CENPU: variants seen among roughly 807,000 people sequenced by gnomAD.
CENPU encodes KSHV latent nuclear antigen interacting protein 1.
In CENPU, 46 loss-of-function variants were observed where a neutral mutation model predicts 56.7. The ratio of observed to expected loss-of-function variants is 0.81; its 90% CI spans 0.64 to 1.04. The LOEUF (loss-of-function observed/expected upper bound fraction) is 1.04, where lower values mean the gene tolerates loss of function less well. CENPU is among the 50% of genes least tolerant of loss of function. The pLI is 0.00. For synonymous variants in CENPU, 166 were observed against 163.0 expected, an observed-to-expected ratio of 1.02 and a Z score of -0.14; for missense variants, 510 against 490.1, an observed-to-expected ratio of 1.04 and a Z score of -0.38.
At chr4:184,720,722 T>C (rs1166253026) in intron 4 of CENPU, among the ~76,000 whole-genome samples, 2 of 151,722 alleles carry the variant, frequency 1.3e-5, no homozygotes, top group East Asian at 3.9e-4. Context: ...CAGGAGAGAG[T>C]GGCATGACAT....
chr4:184,708,160 G>A (rs556254204), intron 8 of CENPU, among the ~76,000 whole-genome samples: 3 of 139,088 alleles, frequency 2.2e-5, no homozygotes, highest in South Asian at 4.7e-4. Context: ...GGAGGTGGAA[G>A]TTGCAGGGAC....
At chr4:184,715,934 T>G (rs1761077721) in intron 6 of CENPU, among the ~76,000 whole-genome samples, 2 of 133,126 alleles carry the variant, frequency 1.5e-5, no homozygotes, top group Admixed American at 8.5e-5. Flanking sequence ...TAGCTTTTTT[T>G]TTGTTTTTTT....
Position 184,697,659 on chromosome 4 carries a change from G to C in CENPU, c.1131C>G (p.Asn377Lys), listed in dbSNP as rs571201924. Reference protein sequence around the residue: ...DYSDVQAQEPNVKETYDSSSL... With the variant: ...DYSDVQAQEPKVKETYDSSSL... ...AAATTGGAGTTACCGTTTCCTTTAC[G>C]TTTGGTTCTTGAGCTTGAACATCTG... The change falls in exon 12 of 13, where the codon AAC (asparagine) becomes AAG (lysine). Residue 377 changes from asparagine to lysine, a missense_variant. By Grantham distance (94) the Asn-to-Lys change is moderately conservative (BLOSUM62 0). Coordinates refer to ENST00000281453, the MANE Select transcript of CENPU (RefSeq NM_024629.4). 10 of 1,612,392 alleles carry C rather than the reference G, an allele frequency of 6.2e-6. No homozygotes were observed. The highest frequency in any genetic ancestry group is 8.5e-6 in the Non-Finnish European group (10 of 1,179,546).
At chr4:184,701,066 T>C (rs976759542) in intron 10 of CENPU, among the ~76,000 whole-genome samples, 185 bp from the exon 11 acceptor site, 3 of 152,006 alleles carry the variant, frequency 2.0e-5, no homozygotes, top group African/African-American at 7.3e-5. Context: ...TTGTGATATG[T>C]AGGAAAAGAA....
chr4:184,724,358 AAC>A (rs1028847928), intron 4 of CENPU, among the ~76,000 whole-genome samples: 1 of 152,128 alleles, frequency 6.6e-6, no homozygotes. Context: ...CCTGTTACCC[AAC>A]AGAGGTCCCT....
intron 8 of CENPU, among the ~76,000 whole-genome samples, chr4:184,703,872 A>G (rs899321145): frequency 6.6e-6 from 1 of 152,238 alleles, no homozygotes; most frequent in Non-Finnish European, 1.5e-5. Context: ...CCATAAGACA[A>G]TAATGGAGCT....
intron 12 of CENPU, among the ~76,000 whole-genome samples, chr4:184,696,028 T>C (rs1370097893): frequency 2.7e-5 from 4 of 148,408 alleles, no homozygotes; most frequent in African/African-American, 7.3e-5. Context: ...ATTAACAAAG[T>C]CAAACTTCCA....
In CENPU at chr4:184,695,343, T is replaced by C; in HGVS notation, c.1202A>G (p.Glu401Gly). Residue 401 changes from glutamate to glycine, a missense_variant, in exon 13 of 13, where the codon GAA becomes GGA. Coordinates refer to ENST00000281453, the MANE Select transcript of CENPU (RefSeq NM_024629.4). ...ATGGTTGATATTTCGCAGATGGCTT[T>C]CGGCTCCCAGAAGTGTTCTTGCTTT... ...LFKARTLLGA[E>G]SHLRNINHQL... 6.2e-7 allele frequency: 1 copy of C among 1,613,652 alleles called. No homozygotes were observed. Among genetic ancestry groups the C allele is most frequent in the Non-Finnish European group, 8.5e-7 (1 of 1,179,606 alleles).
intron 1 of CENPU, chr4:184,733,507 A>C: frequency 1.3e-6 from 1 of 775,046 alleles, no homozygotes. Flanking sequence ...TCTTTGGTAA[A>C]CAAAAACCGC....
Position 184,694,403 on chromosome 4 carries a change from A to G in CENPU, c.*885T>C, listed in dbSNP as rs1467468598. On this transcript the variant is annotated 3_prime_UTR_variant, in exon 13 of 13. Coordinates refer to ENST00000281453, the MANE Select transcript of CENPU (RefSeq NM_024629.4). ...ATCGGAGACAGCATTCCTCCTGCATATTCACTTTAGTATCTGTCACTTAAT... is the reference window on the plus strand; with the variant it reads ...ATCGGAGACAGCATTCCTCCTGCATGTTCACTTTAGTATCTGTCACTTAAT... 4 of 1,429,172 alleles carry G rather than the reference A, an allele frequency of 2.8e-6. No homozygotes were observed. In the African/African-American group the frequency reaches 4.4e-5, roughly 16 times the overall value. 88.5% of individuals were successfully genotyped at this position (1,429,172 alleles called of 1,614,324 possible). A position where few individuals can be genotyped will look rare whatever the true frequency, so the allele number is the denominator to read the frequency against.
chr4:184,705,518 C>A (rs765726828), intron 8 of CENPU, among the ~76,000 whole-genome samples: 3 of 151,828 alleles, frequency 2.0e-5, no homozygotes, highest in Admixed American at 6.6e-5. Flanking sequence ...TGATAAAATC[C>A]CTATATTATT....
Position 184,694,617 on chromosome 4 carries a change from A to G in CENPU, c.*671T>C. On this transcript the variant is annotated 3_prime_UTR_variant, in exon 13 of 13. Coordinates refer to ENST00000281453, the MANE Select transcript of CENPU (RefSeq NM_024629.4). ...CACCTAGCAGGCTGTCAACAGGTGC[A>G]TCTGCTGATGCTGTCTGGGATAATG... The G allele has an allele frequency of 6.2e-7, 1 of 1,614,194 alleles. No homozygotes were observed. The highest frequency in any genetic ancestry group is 2.2e-5 in the East Asian group (1 of 44,884).
intron 1 of CENPU, 126 bp downstream of exon 1, chr4:184,733,890 G>T: frequency 1.6e-6 from 2 of 1,281,940 alleles, no homozygotes; most frequent in Non-Finnish European, 2.3e-6. Context: ...GGACCCGGGC[G>T]ATTGGCCACT....
At position 184,703,394 on chromosome 4, in the gene CENPU, G is replaced by C. The variant is rs533709137; in HGVS notation, c.798-953C>G. 2.3e-4 allele frequency among the ~76,000 whole-genome samples: 34 copies of C among 149,464 alleles called. No individual in the cohort carries two copies. In the South Asian group the frequency reaches 6.8e-3, roughly 30 times the overall value. On this transcript the variant is annotated intron_variant, in intron 8 of 12. Transcript: ENST00000281453. Reference sequence around the variant, plus strand: ...AAGCTGACTCAAAGAAACTGCCTCAGGTCTCTGTCACTGGGGAGAAGAGAT... The same window carrying C: ...AAGCTGACTCAAAGAAACTGCCTCACGTCTCTGTCACTGGGGAGAAGAGAT...
At chr4:184,718,290 T>G (rs546863664) in intron 4 of CENPU, among the ~76,000 whole-genome samples, 1 of 152,318 alleles carries the variant, frequency 6.6e-6, no homozygotes, top group East Asian at 1.9e-4. Flanking sequence ...CCGCAGTGGG[T>G]TGTTCAGAAC....
intron 2 of CENPU, 107 bp from the exon 3 acceptor site, chr4:184,729,142 C>G: frequency 2.4e-6 from 2 of 828,040 alleles, no homozygotes; most frequent in Non-Finnish European, 4.0e-6. Flanking sequence ...AGGAAGCAAT[C>G]CTTATGCATG....
rs745930177 is a variant in CENPU, at chr4:184,717,118, G to A, written c.381+18C>T. 1.3e-6 allele frequency: 2 copies of A among 1,555,090 alleles called. No homozygotes were observed. The highest frequency in any genetic ancestry group is 1.1e-5 in the South Asian group (1 of 88,968). On this transcript the variant is annotated intron_variant, in intron 5 of 12. Transcript: ENST00000281453. ...CTATATTACAAATTAAAGTAGAAGA[G>A]TGAATACTCCTACATACCTTTTTTG...
rs750010281 is a variant in CENPU at position 184,734,041 on chromosome 4, G to C, written c.22C>G (p.Arg8Gly). Reference sequence around the variant, plus strand: ...CCCTCAGACCTGTGAGGCCGCGGCCGCCGCCGCCCCCGCGGGGCCATGGTG... The same window carrying C: ...CCCTCAGACCTGTGAGGCCGCGGCCCCCGCCGCCCCCGCGGGGCCATGGTG... MAPRGRR[R>G]PRPHRSEGAR... Residue 8 changes from arginine (R) to glycine (G), a missense_variant, in exon 1 of 13, where the codon CGG (arginine) becomes GGG (glycine). By Grantham distance (125) the Arg-to-Gly change is moderately radical. Coordinates refer to ENST00000281453, the MANE Select transcript of CENPU (RefSeq NM_024629.4). 1 of 1,577,564 alleles carries C rather than the reference G, an allele frequency of 6.3e-7. No homozygotes were observed. Among genetic ancestry groups the C allele is most frequent in the East Asian group, 2.4e-5 (1 of 42,296 alleles).
At chr4:184,713,615 C>T (rs905213730) in intron 6 of CENPU, among the ~76,000 whole-genome samples, 1 of 152,090 alleles carries the variant, frequency 6.6e-6, no homozygotes, top group African/African-American at 2.4e-5. Context: ...ATTTCTGTTC[C>T]AGCTATGGTG....
Sources: allele counts gnomAD v4.1 joint callset (sites outside exome capture counted in the v4.1 genomes callset), GRCh38; gene constraint gnomAD v4.1.1; transcripts MANE v1.5; gene names NCBI Gene and HGNC (gene_info 2026-07-23, HGNC 2026-07-21).